The following SETD7 variants were observed in gnomAD, a reference collection of about 807,000 sequenced individuals.
SETD7 encodes the protein SET domain containing 7, histone lysine methyltransferase.
A neutral mutation model predicts 41.8 loss-of-function variants in SETD7; 16 were observed. That is an observed-to-expected ratio of 0.38 (90% CI 0.26 to 0.58). SETD7 has a LOEUF of 0.58. Ranked by LOEUF, SETD7 falls within the 20% of genes least tolerant of loss-of-function variation. The pLI, the probability that SETD7 is intolerant of heterozygous loss-of-function variation, is 0.64. For missense variants in SETD7, 346 were observed against 459.7 expected (o/e 0.75, Z 2.26); for synonymous variants, 163 against 169.7 (o/e 0.96, Z 0.31).
chr4:139,553,392 C>T (rs982344407), intron 1 of SETD7, among the ~76,000 whole-genome samples: 1 of 152,202 alleles, frequency 6.6e-6, no homozygotes, highest in Admixed American at 6.5e-5. Flanking sequence ...GAACCAACCT[C>T]TACAGAGTTA....
At chr4:139,548,894 T>C (rs1182757755) in intron 1 of SETD7, among the ~76,000 whole-genome samples, 3 of 152,190 alleles carry the variant, frequency 2.0e-5, no homozygotes, top group Non-Finnish European at 4.4e-5. Context: ...TTCTTCTCGC[T>C]CAAAAACTAA....
At chr4:139,525,569 A>C (rs1727304359) in intron 4 of SETD7, among the ~76,000 whole-genome samples, 1 of 152,252 alleles carries the variant, frequency 6.6e-6, no homozygotes, top group African/African-American at 2.4e-5. Context: ...TGATCAGGTG[A>C]GAAGCAGTGG....
At chr4:139,542,856 G>A (rs1423531103) in intron 2 of SETD7, among the ~76,000 whole-genome samples, 1 of 152,084 alleles carries the variant, frequency 6.6e-6, no homozygotes, top group Admixed American at 6.5e-5. Context: ...GATGTCAAGG[G>A]AAACACTGAT....
Position 139,506,852 on chromosome 4 carries a change from CACAG to C in SETD7, c.*4807_*4810del, listed in dbSNP as rs1200248032. The C allele has an allele frequency of 6.6e-6, 1 of 152,624 alleles. No homozygotes were observed. The highest frequency in any genetic ancestry group is 1.5e-5 in the Non-Finnish European group (1 of 68,042). 9.5% of individuals were successfully genotyped at this position (152,624 alleles called of 1,614,324 possible). On this transcript the variant is annotated 3_prime_UTR_variant, in exon 8 of 8. Transcript: ENST00000274031. Reference sequence around the variant, plus strand: ...AACTTTGAACAACTGTGTGTAAAGTCACAGACAGAGGAAGCAAGGATTTTTGTTA... The same window carrying C: ...AACTTTGAACAACTGTGTGTAAAGTCACAGAGGAAGCAAGGATTTTTGTTA...
chr4:139,529,148 G>C lies in SETD7; in HGVS notation c.445C>G (p.Pro149Ala), dbSNP rs1441916184. ...CCATAAAGTGCGGTCCTCTCATCAG[G>C]GTACACATAGGCTATCTTCTCTCCA... ...MTGEKIAYVY[P>A]DERTALYGKF... Residue 149 changes from proline (P) to alanine (A), a missense_variant, in exon 4 of 8, where the codon CCT (proline) becomes GCT (alanine). This residue lies in a region of SETD7 where 266 missense variants were observed against 377.0 expected (regional missense o/e 0.71). Transcript: ENST00000274031. 1 of 1,613,718 alleles carries C rather than the reference G, an allele frequency of 6.2e-7. No homozygotes were observed. The highest frequency in any genetic ancestry group is 8.5e-7 in the Non-Finnish European group (1 of 1,179,926).
chr4:139,502,609 C>T (rs938171582), downstream of SETD7, among the ~76,000 whole-genome samples: 5 of 152,140 alleles, frequency 3.3e-5, no homozygotes, highest in South Asian at 2.1e-4. Flanking sequence ...AGAGAGTAGT[C>T]GAAAGCCCAG....
intron 2 of SETD7, among the ~76,000 whole-genome samples, chr4:139,544,412 T>C (rs1727876138): frequency 6.6e-6 from 1 of 152,198 alleles, no homozygotes; most frequent in Non-Finnish European, 1.5e-5. Flanking sequence ...GTTACTGGGC[T>C]AGTGCTGCCA....
At chr4:139,539,010 G>A (rs759473096) in intron 2 of SETD7, among the ~76,000 whole-genome samples, 9 of 152,062 alleles carry the variant, frequency 5.9e-5, no homozygotes, top group Non-Finnish European at 1.3e-4. Context: ...TGTTTTCCTA[G>A]ACTTACATAT....
chr4:139,547,278 A>C (rs1335905750), intron 1 of SETD7, among the ~76,000 whole-genome samples: 1 of 152,238 alleles, frequency 6.6e-6, no homozygotes. Flanking sequence ...TGATAGGTCC[A>C]GAACAGACTT....
At chr4:139,554,636 T>G (rs1285448320) in intron 1 of SETD7, among the ~76,000 whole-genome samples, 2 of 152,230 alleles carry the variant, frequency 1.3e-5, no homozygotes, top group East Asian at 1.9e-4. Flanking sequence ...ATTAGAGAGA[T>G]AAATAGCTCT....
downstream of SETD7, among the ~76,000 whole-genome samples, chr4:139,504,959 G>A (rs192059914): frequency 2.4e-4 from 37 of 152,248 alleles, no homozygotes; most frequent in East Asian, 1.7e-3. Flanking sequence ...TGACCCATGC[G>A]TGTTAGAGGG....
At chr4:139,547,166 A>C in intron 1 of SETD7, 117 bp from the exon 2 acceptor site, 7 of 1,281,630 alleles carry the variant, frequency 5.5e-6, no homozygotes, top group Non-Finnish European at 6.5e-6. Flanking sequence ...CCAGCTGCCA[A>C]AGGGTCCCCT....
At chr4:139,527,230 T>C (rs1410113620) in intron 4 of SETD7, among the ~76,000 whole-genome samples, 1 of 152,114 alleles carries the variant, frequency 6.6e-6, no homozygotes, top group African/African-American at 2.4e-5. Flanking sequence ...TCTAAACATA[T>C]CTATACACAG....
At chr4:139,544,677 C>T (rs72726579) in intron 2 of SETD7, among the ~76,000 whole-genome samples, 13 of 152,296 alleles carry the variant, frequency 8.5e-5, no homozygotes, top group Non-Finnish European at 1.5e-4. Context: ...CCCATCAGTA[C>T]TCTGTGTATC....
chr4:139,547,295 A>T (rs1205993697), intron 1 of SETD7, among the ~76,000 whole-genome samples: 1 of 152,252 alleles, frequency 6.6e-6, no homozygotes, highest in Non-Finnish European at 1.5e-5. Context: ...ACTTAGACAC[A>T]TTCCAGAATA....
chr4:139,546,482 C>T (rs574042468), intron 2 of SETD7: 7 of 261,190 alleles, frequency 2.7e-5, no homozygotes, highest in Admixed American at 5.3e-5. Context: ...GTGTGCTGAA[C>T]GCAATAGAGT....
intron 1 of SETD7, among the ~76,000 whole-genome samples, chr4:139,547,697 G>T (rs1037371874): frequency 6.6e-6 from 1 of 152,150 alleles, no homozygotes; most frequent in Non-Finnish European, 1.5e-5. Context: ...CAGAAACCCA[G>T]AGTCCTTCTC....
chr4:139,495,843 A>G (rs1245047794), downstream of SETD7: 2 of 152,350 alleles, frequency 1.3e-5, no homozygotes, highest in African/African-American at 4.8e-5. Context: ...GGGGCCAGAA[A>G]ATTCAAGGAG....
chr4:139,555,930 C>T lies in SETD7; in HGVS notation c.40+168G>A, dbSNP rs1162826262. On this transcript the variant is annotated intron_variant, in intron 1 of 7. Transcript: ENST00000274031. The surrounding 1 kb of genome is among the most constrained non-coding windows in gnomAD (Gnocchi z 4.0). ...CCCGCCGCGCAGTGCGCGCTCCCGG[C>T]GGCGTGACCGTGGCTGTCGGGCCCC... Among the ~76,000 whole-genome samples the T allele has an allele frequency of 6.6e-6, 1 of 151,942 alleles. No homozygotes were observed. Among genetic ancestry groups the T allele is most frequent in the Non-Finnish European group, 1.5e-5 (1 of 67,960 alleles).
Sources: gnomAD v4.1 joint callset for allele counts (sites outside exome capture counted in the v4.1 genomes callset) on GRCh38, gnomAD v4.1.1 for gene constraint, gnomAD v4.1.1 regional missense constraint, Gnocchi (gnomAD v3.1) non-coding constraint, MANE v1.5 for transcripts, NCBI Gene and HGNC (gene_info 2026-07-23, HGNC 2026-07-21) for gene names.